Variants in PROS1 observed in about 807,000 individuals in gnomAD.
The protein encoded by PROS1 is protein S.
In PROS1, 29 loss-of-function variants were observed where a neutral mutation model predicts 75.9. The ratio of observed to expected loss-of-function variants is 0.38; its 90% CI spans 0.28 to 0.52. The LOEUF is 0.52. PROS1 is among the 20% of genes least tolerant of loss of function. The probability of loss-of-function intolerance (pLI) is 0.83; values close to 1 mark genes in which losing one functional copy is unlikely to be tolerated. For missense variants in PROS1, 680 were observed against 810.3 expected (o/e 0.84, Z 1.95); for synonymous variants, 245 against 280.6 (o/e 0.87, Z 1.27).
chr3:93,908,632 T>A (rs1452160074), intron 4 of PROS1, among the ~76,000 whole-genome samples: 4 of 152,162 alleles, frequency 2.6e-5, no homozygotes, highest in Admixed American at 2.6e-4. Context: ...CAGAGAGGGA[T>A]AGGGATAGTT....
chr3:93,880,011 G>C (rs1274226137), intron 12 of PROS1, among the ~76,000 whole-genome samples: 2 of 152,078 alleles, frequency 1.3e-5, no homozygotes, highest in African/African-American at 4.8e-5. Flanking sequence ...AGAATAGTTG[G>C]ATTACTAAAA....
chr3:93,946,627 C>G (rs1709404555), intron 1 of PROS1, among the ~76,000 whole-genome samples: 1 of 152,054 alleles, frequency 6.6e-6, no homozygotes, highest in Non-Finnish European at 1.5e-5. Context: ...AACTGGATCC[C>G]TTCCTTACAC....
chr3:93,968,739 G>A (rs1049056549), intron 1 of PROS1, among the ~76,000 whole-genome samples: 3 of 150,442 alleles, frequency 2.0e-5, no homozygotes, highest in African/African-American at 7.3e-5. Context: ...AAAAAATAAA[G>A]AAATAAAAAT....
rs1442765400 is a variant in PROS1 at position 93,896,597 on chromosome 3, A to G, written c.944T>C (p.Phe315Ser). The G allele has an allele frequency of 6.2e-7, 1 of 1,612,930 alleles. No individual in the cohort carries two copies. The highest frequency in any genetic ancestry group is 1.7e-5 in the Admixed American group (1 of 60,002). The change falls in exon 9 of 15, where the codon TTT (phenylalanine) becomes TCT (serine). Residue 315 changes from phenylalanine (F) to serine (S), a missense_variant. Transcript: ENST00000394236. ...QFAGVVLYLK[F>S]RLPEISRFSA... ...TCACCTGCTGATTTCTGGCAAACGAAATTTTAAATATAAAACAACCCCTGC... is the reference window on the plus strand; with the variant it reads ...TCACCTGCTGATTTCTGGCAAACGAGATTTTAAATATAAAACAACCCCTGC...
Position 93,905,914 on chromosome 3 carries a change from G to A in PROS1, c.471C>T (p.Asp157=), listed in dbSNP as rs763878105. The A allele has an allele frequency of 6.2e-7, 1 of 1,612,624 alleles. No individual in the cohort carries two copies. Among genetic ancestry groups the A allele is most frequent in the South Asian group, 1.1e-5 (1 of 90,708 alleles). ...TTGAGGGATCTTTGCATTCATTTAT[G>A]TCTAAAACAGGAAAAAAATAAATTA... is the stretch of plus-strand genomic sequence containing the variant. ...PGWQGEKCEF[D]INECKDPSNI... is the part of the protein sequence containing the mutation. The change falls in exon 6 of 15, where the codon GAC becomes GAT. Residue 157 remains aspartate (D), a splice_region_variant and synonymous_variant. Coordinates refer to ENST00000394236, the MANE Select transcript of PROS1 (RefSeq NM_000313.4).
At chr3:93,874,585 C>T (rs1045030508) in intron 14 of PROS1, among the ~76,000 whole-genome samples, 180 bp from the exon 15 acceptor site, 1 of 152,130 alleles carries the variant, frequency 6.6e-6, no homozygotes, top group Non-Finnish European at 1.5e-5. Context: ...TGTTACTGTA[C>T]TTCATTGAAT....
chr3:93,903,942 T>A (rs1159652677), intron 6 of PROS1, among the ~76,000 whole-genome samples: 1 of 151,084 alleles, frequency 6.6e-6, no homozygotes, highest in Non-Finnish European at 1.5e-5. Flanking sequence ...ATTAGGTATA[T>A]CTCCCAATGC....
At chr3:93,971,995 T>C (rs967750943) in intron 1 of PROS1, among the ~76,000 whole-genome samples, 7 of 152,194 alleles carry the variant, frequency 4.6e-5, no homozygotes, top group South Asian at 2.1e-4. Context: ...ATTTATCTGC[T>C]CTATCAGTGT....
intron 1 of PROS1, among the ~76,000 whole-genome samples, chr3:93,936,680 T>C (rs1180033692): frequency 3.3e-5 from 5 of 152,192 alleles, no homozygotes; most frequent in Admixed American, 6.5e-5. Flanking sequence ...TAAATTTCTA[T>C]GGTTTAAGCC....
rs1576189804 is a variant in PROS1, at chr3:93,910,956, T to TAA, written c.260-253_260-252dup. 6 of 458,390 alleles carry TAA rather than the reference T, an allele frequency of 1.3e-5. No individual in the cohort carries two copies. In the East Asian group the frequency reaches 2.5e-4, roughly 19 times the overall value. The allele number at this position is 458,390 out of a possible 1,614,324, so 28.4% of individuals were successfully genotyped here. ...GCTTCTTCTCTCTGGAGAAGAACCT[T>TAA]AAAGTCAGAAGTGAAAAAAACCTTG... is the stretch of plus-strand genomic sequence containing the variant. On this transcript the variant is annotated intron_variant, in intron 3 of 14. Coordinates refer to ENST00000394236, the MANE Select transcript of PROS1 (RefSeq NM_000313.4).
intron 4 of PROS1, among the ~76,000 whole-genome samples, 159 bp from the exon 5 acceptor site, chr3:93,906,302 T>C (rs1033454959): frequency 6.6e-6 from 1 of 152,198 alleles, no homozygotes; most frequent in African/African-American, 2.4e-5. Flanking sequence ...AAAGTGAGCC[T>C]ATTAGGCAAA....
intron 1 of PROS1, among the ~76,000 whole-genome samples, chr3:93,937,328 G>A (rs914193169): frequency 2.2e-4 from 34 of 151,926 alleles, no homozygotes; most frequent in African/African-American, 6.8e-4. Context: ...ACACAATGCC[G>A]GGAATCTATG....
intron 3 of PROS1, among the ~76,000 whole-genome samples, chr3:93,917,768 TGC>T (rs1189244743): frequency 6.6e-6 from 1 of 152,138 alleles, no homozygotes; most frequent in Non-Finnish European, 1.5e-5. Context: ...CCCCCAGCAG[TGC>T]TGGCCCACTG....
chr3:93,908,357 C>T (rs970785771), intron 4 of PROS1, among the ~76,000 whole-genome samples: 1 of 152,186 alleles, frequency 6.6e-6, no homozygotes, highest in African/African-American at 2.4e-5. Context: ...CTGGAGATAG[C>T]TTCTATGCAA....
At chr3:93,919,507 T>C (rs1708913333) in intron 3 of PROS1, among the ~76,000 whole-genome samples, 1 of 152,102 alleles carries the variant, frequency 6.6e-6, no homozygotes, top group Admixed American at 6.5e-5. Context: ...TATCACCTCT[T>C]GATATTTATA....
intron 10 of PROS1, among the ~76,000 whole-genome samples, chr3:93,890,637 G>C (rs996614293): frequency 6.6e-6 from 1 of 152,178 alleles, no homozygotes; most frequent in African/African-American, 2.4e-5. Flanking sequence ...AAAATAGAAA[G>C]ACCCTACAAT....
At chr3:93,942,738 C>T (rs1042549607) in intron 1 of PROS1, among the ~76,000 whole-genome samples, 40 of 152,212 alleles carry the variant, frequency 2.6e-4, no homozygotes, top group Non-Finnish European at 2.2e-4. Flanking sequence ...AAGCCACTAG[C>T]CCGCCTCTTA....
intron 1 of PROS1, among the ~76,000 whole-genome samples, chr3:93,938,826 C>T (rs555236744): frequency 4.4e-4 from 67 of 152,242 alleles, no homozygotes; most frequent in African/African-American, 1.6e-3. Context: ...CACCCACACT[C>T]CATTGTTGCC....
At chr3:93,937,492 C>T (rs929175620) in intron 1 of PROS1, among the ~76,000 whole-genome samples, 4 of 151,890 alleles carry the variant, frequency 2.6e-5, no homozygotes, top group East Asian at 1.9e-4. Flanking sequence ...CTCAGCCTCC[C>T]GAGTAGCTGG....
Sources: gnomAD v4.1 joint callset for allele counts (sites outside exome capture counted in the v4.1 genomes callset) on GRCh38, gnomAD v4.1.1 for gene constraint, MANE v1.5 for transcripts, NCBI Gene and HGNC (gene_info 2026-07-23, HGNC 2026-07-21) for gene names.